LATS2: variants seen among roughly 807,000 people sequenced by gnomAD.
LATS2 encodes serine/threonine-protein kinase LATS2.
LATS2 carries 24 observed loss-of-function variants against 76.0 expected under a neutral mutation model. The ratio of observed to expected loss-of-function variants is 0.32; its 90% CI spans 0.23 to 0.44. LATS2 has a LOEUF of 0.44. Among genes scored for constraint, LATS2 ranks in the 20% least tolerant of loss-of-function variants. The pLI is 1.00. For synonymous variants in LATS2, 692 were observed against 635.4 expected (o/e 1.09, Z -1.34); for missense variants, 1,286 against 1,481.2 (o/e 0.87, Z 2.16).
intron 4 of LATS2, among the ~76,000 whole-genome samples, chr13:20,984,125 C>T (rs501811): frequency 0.84 from 127,247 of 152,100 alleles, 53,801 homozygotes; most frequent in East Asian, 1. Flanking sequence ...GTAGAAACAG[C>T]GTTTCATCAT....
At chr13:21,013,352 T>C (rs1871673842) in intron 2 of LATS2, among the ~76,000 whole-genome samples, 1 of 152,236 alleles carries the variant, frequency 6.6e-6, no homozygotes, top group Admixed American at 6.5e-5. Context: ...ATCTCATTTC[T>C]TGGACTATGA....
At chr13:20,994,553 T>TGAAGCCTGGCCGA (rs1870660879) in intron 2 of LATS2, among the ~76,000 whole-genome samples, 2 of 152,204 alleles carry the variant, frequency 1.3e-5, no homozygotes, top group South Asian at 4.1e-4. Context: ...GAGATGCAGC[T>TGAAGCCTGGCCGA]GAAGCCTGGC....
At chr13:20,994,322 T>TA (rs1392463588) in intron 2 of LATS2, among the ~76,000 whole-genome samples, 10 of 152,208 alleles carry the variant, frequency 6.6e-5, no homozygotes, top group African/African-American at 2.4e-4. Flanking sequence ...CTTTAGCAAG[T>TA]AAGTACTTCC....
intron 2 of LATS2, among the ~76,000 whole-genome samples, chr13:21,035,457 T>G (rs1364491255): frequency 6.6e-6 from 1 of 152,112 alleles, no homozygotes; most frequent in Non-Finnish European, 1.5e-5. Flanking sequence ...CACACAGAAT[T>G]GCATGCAGAC....
chr13:20,976,609 T>G (rs1244175986), intron 7 of LATS2, among the ~76,000 whole-genome samples: 1 of 151,860 alleles, frequency 6.6e-6, no homozygotes, highest in Non-Finnish European at 1.5e-5. Context: ...CAAAACCAAA[T>G]AAGTTGATTT....
intron 1 of LATS2, among the ~76,000 whole-genome samples, chr13:21,051,038 AG>A (rs1375942879): frequency 1.3e-5 from 2 of 152,230 alleles, no homozygotes; most frequent in Non-Finnish European, 2.9e-5. Context: ...GTCACAGAGA[AG>A]GGTGATCATG....
At position 20,991,254 on chromosome 13, in the gene LATS2, C is replaced by T. The variant is rs1359681475; in HGVS notation, c.475+18G>A. On this transcript the variant is annotated intron_variant, in intron 3 of 7. Coordinates refer to ENST00000382592, the MANE Select transcript of LATS2 (RefSeq NM_014572.3). This position sits in a 1 kb window ranked among gnomAD's most constrained non-coding sequence, Gnocchi z 4.9. ...CCACAAACCATCTTTGCCCACTATG[C>T]TGCAGGCCTGGGCTCACCTGGGGAG... The T allele has an allele frequency of 6.2e-7, 1 of 1,613,986 alleles. No individual in the cohort carries two copies. Among genetic ancestry groups the T allele is most frequent in the Admixed American group, 1.7e-5 (1 of 60,024 alleles).
At chr13:20,999,295 GAC>G (rs1290565992) in intron 2 of LATS2, among the ~76,000 whole-genome samples, 3 of 152,202 alleles carry the variant, frequency 2.0e-5, no homozygotes, top group South Asian at 4.1e-4. Context: ...TGGTAAACCA[GAC>G]ACACGCCCGG....
Position 20,988,355 on chromosome 13 carries a change from G to A in LATS2, c.1425C>T (p.Pro475=), listed in dbSNP as rs1256969481. 1.5e-6 allele frequency: 2 copies of A among 1,368,572 alleles called. No homozygotes were observed. Among genetic ancestry groups the A allele is most frequent in the East Asian group, 5.9e-5 (2 of 33,860 alleles). The allele number at this position is 1,368,572 out of a possible 1,614,324, so 84.8% of individuals were successfully genotyped here. ...AGCCCTCCGCAGCCGGGGCGGGGGC[G>A]GGGGCGGGGGCCGGGGCAGGCGCGG... ...WVPAPAPAPA[P]APAPAAEGLD... Residue 475 remains proline, a synonymous_variant, in exon 4 of 8, where the codon CCC becomes CCT. Coordinates refer to ENST00000382592, the MANE Select transcript of LATS2 (RefSeq NM_014572.3).
chr13:20,992,458 G>T (rs919526724), intron 2 of LATS2, among the ~76,000 whole-genome samples: 12 of 152,146 alleles, frequency 7.9e-5, no homozygotes, highest in Admixed American at 6.5e-4. Flanking sequence ...GCCCAGTGGC[G>T]CGGGGCGGTG....
At position 20,975,426 on chromosome 13, in the gene LATS2, G is replaced by C. The variant is rs901494510; in HGVS notation, c.2773-62C>G. The C allele has an allele frequency of 4.1e-6, 6 of 1,479,274 alleles. No homozygotes were observed. The African/African-American group carries it at 7.0e-5, about 17-fold the overall frequency. 91.6% of individuals were successfully genotyped at this position (1,479,274 alleles called of 1,614,324 possible). ...TCACATCTTGGGCAGTTCTGGGACA[G>C]CGTGTGATGACGTGACTTTCAAATA... On this transcript the variant is annotated intron_variant, in intron 7 of 7. Transcript: ENST00000382592.
At chr13:20,977,838 T>C (rs79034517) in intron 7 of LATS2, among the ~76,000 whole-genome samples, 8,744 of 151,828 alleles carry the variant, frequency 0.058, 932 homozygotes, top group African/African-American at 0.2. Flanking sequence ...AGCCATTCAA[T>C]TAGGGCGCAG....
chr13:21,045,233 G>A (rs1329990021), intron 2 of LATS2, among the ~76,000 whole-genome samples: 1 of 152,034 alleles, frequency 6.6e-6, no homozygotes, highest in African/African-American at 2.4e-5. Context: ...AGAAAACCGA[G>A]TCAGAGAATA....
intron 2 of LATS2, among the ~76,000 whole-genome samples, chr13:21,003,690 C>A (rs1871146408): frequency 1.3e-5 from 2 of 152,176 alleles, no homozygotes; most frequent in Admixed American, 6.5e-5. Flanking sequence ...GATCCAGCCA[C>A]CTCGGCCTCC....
At chr13:20,983,854 C>T (rs1595212387) in intron 4 of LATS2, 48 bp from the exon 5 acceptor site, 2 of 1,456,966 alleles carry the variant, frequency 1.4e-6, no homozygotes, top group Non-Finnish European at 9.4e-7. Flanking sequence ...AGAGAAGTCC[C>T]ATGATAACAA....
intron 2 of LATS2, among the ~76,000 whole-genome samples, chr13:21,028,957 T>C (rs964408718): frequency 2.0e-5 from 3 of 152,244 alleles, no homozygotes; most frequent in African/African-American, 4.8e-5. Flanking sequence ...CATGCTAAAT[T>C]ATTAGAGGAA....
chr13:20,988,930 C>A lies in LATS2; in HGVS notation c.850G>T (p.Gly284Trp). The A allele has an allele frequency of 6.6e-7, 1 of 1,522,540 alleles. No homozygotes were observed. Among genetic ancestry groups the A allele is most frequent in the Non-Finnish European group, 8.8e-7 (1 of 1,138,592 alleles). 94.3% of individuals were successfully genotyped at this position (1,522,540 alleles called of 1,614,324 possible). The change falls in exon 4 of 8, where the codon GGG becomes TGG. Residue 284 changes from glycine (G) to tryptophan (W), a missense_variant. Gly to Trp is a radical substitution (Grantham distance 184). Around this residue, in one of 5 missense-constraint regions of LATS2, gnomAD observed 710 missense variants for 660.9 expected, o/e 1.07. Coordinates refer to ENST00000382592, the MANE Select transcript of LATS2 (RefSeq NM_014572.3). ...SFQSKTPPET[G>W]GYASLPTKGQ... The stretch of plus-strand genomic sequence containing the variant: ...TTCGTGGGCAGGCTGGCGTAACCCC[C>A]GGTCTCCGGCGGCGTCTTGCTCTGG...
intron 3 of LATS2, among the ~76,000 whole-genome samples, chr13:20,989,595 C>A (rs1189832176): frequency 6.6e-6 from 1 of 152,182 alleles, no homozygotes; most frequent in Non-Finnish European, 1.5e-5. Context: ...TCCCTGCCCC[C>A]TGGGGACCAC....
chr13:20,984,231 G>A (rs2138277009), intron 4 of LATS2, among the ~76,000 whole-genome samples: 1 of 152,334 alleles, frequency 6.6e-6, no homozygotes, highest in South Asian at 2.1e-4. Context: ...ACTGTGCCCG[G>A]CCAGTTTTGT....
Sources: allele counts gnomAD v4.1 joint callset (sites outside exome capture counted in the v4.1 genomes callset), GRCh38; gene constraint gnomAD v4.1.1; regional missense constraint gnomAD v4.1.1; non-coding constraint Gnocchi (gnomAD v3.1); transcripts MANE v1.5; gene names NCBI Gene and HGNC (gene_info 2026-07-23, HGNC 2026-07-21).